The following SH3BGRL2 variants were observed in gnomAD, a reference collection of about 807,000 sequenced individuals.
SH3BGRL2 encodes SH3 domain-binding glutamic acid-rich-like protein 2.
In SH3BGRL2, 21 loss-of-function variants were observed where a neutral mutation model predicts 14.8. The ratio of observed to expected loss-of-function variants is 1.42; its 90% CI spans 1.01 to 2.05. The LOEUF (loss-of-function observed/expected upper bound fraction) is 2.05, where lower values mean the gene tolerates loss of function less well. SH3BGRL2 is among the 30% of genes most tolerant of loss of function. SH3BGRL2 has a pLI of 0.00. For synonymous variants in SH3BGRL2, 50 were observed against 47.8 expected (o/e 1.05, Z -0.19); for missense variants, 147 against 130.8 (o/e 1.12, Z -0.61).
the SH3BGRL2 span, chr6:79,574,684 T>C: frequency 6.6e-6 from 1 of 152,328 alleles, no homozygotes; most frequent in South Asian, 2.1e-4. Context: ...ACTAAAATGG[T>C]AAATTTAATG....
At chr6:79,674,561 G>A (rs547884154) in intron 2 of SH3BGRL2, among the ~76,000 whole-genome samples, 2 of 152,184 alleles carry the variant, frequency 1.3e-5, no homozygotes, top group South Asian at 2.1e-4. Flanking sequence ...ATTTAAGGAC[G>A]GTCTAAAGAA....
chr6:79,647,288 T>C (rs1769163098), intron 1 of SH3BGRL2, among the ~76,000 whole-genome samples: 1 of 152,162 alleles, frequency 6.6e-6, no homozygotes, highest in African/African-American at 2.4e-5. Flanking sequence ...TCCTAATGAC[T>C]AATAATGTTG....
At chr6:79,598,222 T>C in the SH3BGRL2 span, among the ~76,000 whole-genome samples, 1 of 152,198 alleles carries the variant, frequency 6.6e-6, no homozygotes, top group Non-Finnish European at 1.5e-5. Flanking sequence ...ACGACATGAC[T>C]CAGCAATTCC....
chr6:79,692,795 C>T (rs112685565), intron 2 of SH3BGRL2, among the ~76,000 whole-genome samples: 2,696 of 152,040 alleles, frequency 0.018, 84 homozygotes, highest in African/African-American at 0.061. Context: ...TAGCATGATG[C>T]CTCTGGCTTT....
the SH3BGRL2 span, among the ~76,000 whole-genome samples, chr6:79,572,133 A>G: frequency 2.0e-5 from 3 of 152,158 alleles, no homozygotes; most frequent in Non-Finnish European, 4.4e-5. Flanking sequence ...TCTGTTCCAG[A>G]GTTCAATCCA....
chr6:79,571,144 G>T, the SH3BGRL2 span, among the ~76,000 whole-genome samples: 2 of 152,212 alleles, frequency 1.3e-5, no homozygotes, highest in Non-Finnish European at 2.9e-5. Context: ...AATCAAGAAT[G>T]AAAGCGCATT....
rs1287601843 is a variant in SH3BGRL2, at chr6:79,700,278, T to C, written c.*769T>C. 1 of 152,184 alleles carries C rather than the reference T, an allele frequency of 6.6e-6. No homozygotes were observed. The highest frequency in any genetic ancestry group is 2.4e-5 in the African/African-American group (1 of 41,450). The allele number at this position is 152,184 out of a possible 1,614,324, so 9.4% of individuals were successfully genotyped here. A position where few individuals can be genotyped will look rare whatever the true frequency, so the allele number is the denominator to read the frequency against. On this transcript the variant is annotated 3_prime_UTR_variant, in exon 4 of 4. Transcript: ENST00000369838. ...GATATATTTTAAGTGGTGCACTAATTAGTGAATATATAGGAAAATTATCTG... is the reference window on the plus strand; with the variant it reads ...GATATATTTTAAGTGGTGCACTAATCAGTGAATATATAGGAAAATTATCTG...
chr6:79,678,609 T>C (rs1308688551), intron 2 of SH3BGRL2, among the ~76,000 whole-genome samples: 1 of 152,220 alleles, frequency 6.6e-6, no homozygotes, highest in Non-Finnish European at 1.5e-5. Flanking sequence ...TGTGCAAATA[T>C]CTCTTTGAAA....
At chr6:79,677,715 T>C (rs531859618) in intron 2 of SH3BGRL2, among the ~76,000 whole-genome samples, 1 of 152,214 alleles carries the variant, frequency 6.6e-6, no homozygotes, top group Non-Finnish European at 1.5e-5. Context: ...TAATTCATAA[T>C]TCCTCTCCCT....
At position 79,701,219 on chromosome 6, in the gene SH3BGRL2, A is replaced by G. The variant is rs1396744717; in HGVS notation, c.*1710A>G. 6.6e-6 allele frequency: 1 copy of G among 152,302 alleles called. No homozygotes were observed. Among genetic ancestry groups the G allele is most frequent in the East Asian group, 1.9e-4 (1 of 5,176 alleles). The allele number at this position is 152,302 out of a possible 1,614,324, so 9.4% of individuals were successfully genotyped here. ...TTGTCATTAAGTAAGATCCAGGTCA[A>G]ATTCCATTTGACAAATCCCAGGGAC... On this transcript the variant is annotated 3_prime_UTR_variant, in exon 4 of 4. Transcript: ENST00000369838.
chr6:79,550,483 C>G, the SH3BGRL2 span, among the ~76,000 whole-genome samples: 1 of 152,046 alleles, frequency 6.6e-6, no homozygotes, highest in Non-Finnish European at 1.5e-5. Flanking sequence ...TCTTATTTAT[C>G]ACAACCAGAT....
chr6:79,559,065 C>T, the SH3BGRL2 span, among the ~76,000 whole-genome samples: 13 of 152,062 alleles, frequency 8.5e-5, no homozygotes, highest in Admixed American at 2.0e-4. Context: ...TTGAAAAGGC[C>T]GGCACAGTGG....
chr6:79,671,501 C>T (rs1186827109), intron 1 of SH3BGRL2, among the ~76,000 whole-genome samples: 3 of 152,070 alleles, frequency 2.0e-5, no homozygotes, highest in Non-Finnish European at 2.9e-5. Context: ...GACTGTTGGC[C>T]CACAATTTAC....
intron 1 of SH3BGRL2, among the ~76,000 whole-genome samples, chr6:79,632,729 G>A (rs1768849440): frequency 6.6e-6 from 1 of 152,210 alleles, no homozygotes; most frequent in African/African-American, 2.4e-5. Context: ...GGGGTCCTCA[G>A]ACTTCTGACA....
chr6:79,584,052 G>T, the SH3BGRL2 span, among the ~76,000 whole-genome samples: 3 of 152,190 alleles, frequency 2.0e-5, no homozygotes, highest in African/African-American at 7.2e-5. Context: ...AATGCAATTT[G>T]TAGGTCTAGT....
chr6:79,608,572 C>T, the SH3BGRL2 span, among the ~76,000 whole-genome samples: 1 of 152,144 alleles, frequency 6.6e-6, no homozygotes, highest in Admixed American at 6.5e-5. Context: ...TGCAGAACTT[C>T]CTCCAAAAAG....
chr6:79,601,822 T>C, the SH3BGRL2 span, among the ~76,000 whole-genome samples: 2 of 152,182 alleles, frequency 1.3e-5, no homozygotes, highest in Non-Finnish European at 2.9e-5. Flanking sequence ...CTATGAAGGT[T>C]ATTATATTTA....
the SH3BGRL2 span, among the ~76,000 whole-genome samples, chr6:79,622,928 C>T: frequency 6.6e-6 from 1 of 152,144 alleles, no homozygotes; most frequent in African/African-American, 2.4e-5. Context: ...GCTATGTGTT[C>T]TGGGCAAATG....
chr6:79,659,082 A>G (rs1004025222), intron 1 of SH3BGRL2, among the ~76,000 whole-genome samples: 1 of 152,110 alleles, frequency 6.6e-6, no homozygotes, highest in African/African-American at 2.4e-5. Flanking sequence ...CTCCCATTCT[A>G]TAAGTTTCCT....
Sources: allele counts gnomAD v4.1 joint callset (sites outside exome capture counted in the v4.1 genomes callset), GRCh38; gene constraint gnomAD v4.1.1; transcripts MANE v1.5; gene names NCBI Gene and HGNC (gene_info 2026-07-23, HGNC 2026-07-21).